Variants in MCM8 observed in about 807,000 individuals in gnomAD.
MCM8 encodes minichromosome maintenance 8 homologous recombination repair factor, also known as DNA helicase MCM8.
In MCM8, 85 loss-of-function variants were observed where a neutral mutation model predicts 98.9. The ratio of observed to expected loss-of-function variants is 0.86; its 90% CI spans 0.72 to 1.03. The LOEUF (loss-of-function observed/expected upper bound fraction) is 1.03, where lower values mean the gene tolerates loss of function less well. MCM8 is among the 50% of genes least tolerant of loss of function. MCM8 has a pLI of 0.00. For synonymous variants in MCM8, 352 were observed against 338.6 expected (o/e 1.04, Z -0.44); for missense variants, 951 against 997.8 (o/e 0.95, Z 0.63).
At chr20:5,971,363 T>G (rs765276555) in intron 10 of MCM8, among the ~76,000 whole-genome samples, 3 of 152,254 alleles carry the variant, frequency 2.0e-5, no homozygotes. Flanking sequence ...CTCTACAACC[T>G]CTTGCATCCC....
chr20:5,974,353 C>T (rs995719484), intron 12 of MCM8, among the ~76,000 whole-genome samples: 2 of 152,116 alleles, frequency 1.3e-5, no homozygotes, highest in Non-Finnish European at 2.9e-5. Flanking sequence ...TCTCGAACTC[C>T]TGGGCTCAAG....
In MCM8 at chr20:5,984,955, C is replaced by T. The variant is rs147567185; in HGVS notation, c.1908C>T (p.Ser636=). The change falls in exon 15 of 19, where the codon TCC becomes TCT. Residue 636 remains serine, a synonymous_variant. Transcript: ENST00000610722. ...TGAATAGTCAAGATTCAAATACTTC[C>T]GTACTTGAAGTAGTTTCTGAGAAGC... ...ARMNSQDSNT[S]VLEVVSEKPL... The T allele has an allele frequency of 2.5e-5, 41 of 1,613,764 alleles. 1 individual carries two copies. The highest frequency in any genetic ancestry group is 9.9e-5 in the South Asian group (9 of 91,074).
chr20:5,961,635 G>A (rs1161170855), intron 7 of MCM8, among the ~76,000 whole-genome samples: 3 of 152,162 alleles, frequency 2.0e-5, no homozygotes, highest in Non-Finnish European at 4.4e-5. Context: ...ATTTAAACCA[G>A]ATATTTTCTT....
At chr20:5,976,667 C>CTGGTGCAA in intron 12 of MCM8, among the ~76,000 whole-genome samples, 1 of 152,334 alleles carries the variant, frequency 6.6e-6, no homozygotes, top group East Asian at 1.9e-4. Flanking sequence ...CCAGGAGCTG[C>CTGGTGCAA]TGGTGCAACT....
chr20:5,966,903 C>G (rs1426723118), intron 8 of MCM8, among the ~76,000 whole-genome samples: 2 of 152,134 alleles, frequency 1.3e-5, no homozygotes, highest in Non-Finnish European at 2.9e-5. Context: ...CTTCCCCTAC[C>G]CACCTGTCCA....
At chr20:5,968,435 C>T (rs1006370587) in intron 10 of MCM8, among the ~76,000 whole-genome samples, 2 of 152,090 alleles carry the variant, frequency 1.3e-5, no homozygotes, top group Admixed American at 6.5e-5. Context: ...ATCCTAGCTA[C>T]TCGGGAGGCT....
At chr20:5,973,259 T>TTAA in intron 12 of MCM8, 63 bp downstream of exon 12, 1 of 1,595,560 alleles carries the variant, frequency 6.3e-7, no homozygotes, top group Non-Finnish European at 8.6e-7. Flanking sequence ...AATTCACAAG[T>TTAA]GAATTTTCTC....
chr20:5,971,297 C>G (rs1287438406), intron 10 of MCM8, among the ~76,000 whole-genome samples: 1 of 152,192 alleles, frequency 6.6e-6, no homozygotes, highest in Non-Finnish European at 1.5e-5. Flanking sequence ...CATTTTACAG[C>G]CTGTTCTCTC....
At chr20:5,989,710 G>A (rs898360444) in intron 17 of MCM8, among the ~76,000 whole-genome samples, 1 of 152,154 alleles carries the variant, frequency 6.6e-6, no homozygotes, top group Non-Finnish European at 1.5e-5. Context: ...GGAGGCTGCT[G>A]TCTTCTCTCT....
intron 11 of MCM8, 42 bp downstream of exon 11, chr20:5,972,079 T>G (rs1167284806): frequency 6.7e-7 from 1 of 1,499,412 alleles, no homozygotes; most frequent in Non-Finnish European, 9.2e-7. Context: ...GTATATAAGG[T>G]TAGCAAAAAT....
At chr20:5,981,254 G>C (rs1214904484) in intron 13 of MCM8, among the ~76,000 whole-genome samples, 1 of 152,170 alleles carries the variant, frequency 6.6e-6, no homozygotes, top group Non-Finnish European at 1.5e-5. Context: ...AATCCAGAGA[G>C]GTATAGGCAG....
At chr20:5,968,294 C>T (rs1471369198) in intron 10 of MCM8, among the ~76,000 whole-genome samples, 1 of 152,154 alleles carries the variant, frequency 6.6e-6, no homozygotes, top group Non-Finnish European at 1.5e-5. Context: ...CCTGTAATCC[C>T]AGCACTTTGG....
intron 17 of MCM8, among the ~76,000 whole-genome samples, chr20:5,989,750 A>G (rs552886410): frequency 6.6e-6 from 1 of 152,160 alleles, no homozygotes; most frequent in African/African-American, 2.4e-5. Flanking sequence ...AGATGGGTAG[A>G]AGGGCACCCA....
intron 3 of MCM8, among the ~76,000 whole-genome samples, chr20:5,953,251 C>T (rs1021719495): frequency 2.6e-5 from 4 of 152,140 alleles, no homozygotes; most frequent in African/African-American, 9.7e-5. Flanking sequence ...CATCGCAGAG[C>T]AGGAAGTAGA....
In MCM8 at chr20:5,955,904, G is replaced by A. The variant is rs145923307; in HGVS notation, c.486+653G>A. Among the ~76,000 whole-genome samples, 576 of 151,922 alleles carry A rather than the reference G, an allele frequency of 3.8e-3. 9 individuals are homozygous for A. Among genetic ancestry groups the A allele is most frequent in the African/African-American group, 9.8e-3 (406 of 41,384 alleles). On this transcript the variant is annotated intron_variant, in intron 5 of 18. Transcript: ENST00000610722. ...AGTGATTCTCTTGCCTCAGCCTCCC[G>A]AGTGGCTGGGTGCACCACCATGCCC...
intron 3 of MCM8, among the ~76,000 whole-genome samples, chr20:5,953,724 C>T (rs969891490): frequency 2.6e-5 from 4 of 151,814 alleles, no homozygotes; most frequent in South Asian, 2.1e-4. Context: ...CCGCCCGCCT[C>T]GGCCTCCCAA....
chr20:5,980,631 G>A (rs1376624876), intron 13 of MCM8, among the ~76,000 whole-genome samples: 1 of 152,082 alleles, frequency 6.6e-6, no homozygotes, highest in African/African-American at 2.4e-5. Flanking sequence ...CAGCACTTTG[G>A]GAGGCCGAGG....
rs1363413028 is a variant in MCM8, at chr20:5,994,006, G to T, written c.2431-293G>T. The T allele has an allele frequency of 8.5e-6, 3 of 352,990 alleles. No individual in the cohort carries two copies. The East Asian group carries it at 1.5e-4, about 17-fold the overall frequency. The allele number at this position is 352,990 out of a possible 1,614,324, so 21.9% of individuals were successfully genotyped here. A position where few individuals can be genotyped will look rare whatever the true frequency, so the allele number is the denominator to read the frequency against. ...TGTAATAGCACTTCAAACATGGGCT[G>T]TTACACATTATGGAAAATTAACTTC... is the stretch of plus-strand genomic sequence containing the variant. On this transcript the variant is annotated intron_variant, in intron 18 of 18. Transcript: ENST00000610722.
intron 3 of MCM8, among the ~76,000 whole-genome samples, chr20:5,953,115 CT>C (rs1229008654): frequency 3.9e-5 from 6 of 152,326 alleles, no homozygotes; most frequent in Admixed American, 6.5e-5. Context: ...TGCAGAGATG[CT>C]GAAAAGAGTT....
Sources: allele counts gnomAD v4.1 joint callset (sites outside exome capture counted in the v4.1 genomes callset), GRCh38; gene constraint gnomAD v4.1.1; transcripts MANE v1.5; gene names NCBI Gene and HGNC (gene_info 2026-07-23, HGNC 2026-07-21).